WASHC2A: variants seen among roughly 807,000 people sequenced by gnomAD.
WASHC2A encodes WASH complex subunit 2A, also known as WASH complex subunit FAM21A.
A neutral mutation model predicts 140.3 loss-of-function variants in WASHC2A; 82 were observed. The observed-to-expected ratio is 0.58, with a 90% CI of 0.49 to 0.70. The LOEUF (loss-of-function observed/expected upper bound fraction) is 0.70, where lower values mean the gene tolerates loss of function less well. WASHC2A is among the 30% of genes least tolerant of loss of function. WASHC2A has a pLI of 0.00. For missense variants in WASHC2A, 985 were observed against 1,521.8 expected, an observed-to-expected ratio of 0.65 and a Z score of 5.87; for synonymous variants, 340 against 560.8, an observed-to-expected ratio of 0.61 and a Z score of 5.56.
chr10:50,091,750 C>A (rs1839951184), intron 10 of WASHC2A, among the ~76,000 whole-genome samples: 1 of 152,146 alleles, frequency 6.6e-6, no homozygotes, highest in Non-Finnish European at 1.5e-5. Context: ...ATGTAGATAA[C>A]CCTTTACATA....
chr10:50,111,581 C>T (rs1301650720), intron 20 of WASHC2A, among the ~76,000 whole-genome samples: 1 of 152,226 alleles, frequency 6.6e-6, no homozygotes, highest in African/African-American at 2.4e-5. Flanking sequence ...AGCACAAGAG[C>T]TGGCACATTC....
intron 23 of WASHC2A, among the ~76,000 whole-genome samples, chr10:50,121,094 G>A (rs1490970165): frequency 8.0e-5 from 12 of 149,074 alleles, no homozygotes; most frequent in African/African-American, 5.2e-5. Context: ...ACACAACAAT[G>A]TCCACTCTTG....
chr10:50,075,163 C>T (rs563517630), intron 3 of WASHC2A, among the ~76,000 whole-genome samples: 7 of 151,400 alleles, frequency 4.6e-5, no homozygotes, highest in South Asian at 2.1e-4. Flanking sequence ...GTTCTTAAAC[C>T]GTATCATAAT....
At chr10:50,109,855 T>C (rs1185726066) in intron 19 of WASHC2A, among the ~76,000 whole-genome samples, 1 of 152,100 alleles carries the variant, frequency 6.6e-6, no homozygotes, top group Non-Finnish European at 1.5e-5. Flanking sequence ...CTGCAAGCTC[T>C]GCCTCCTGGG....
rs1839697430 is a variant in WASHC2A at position 50,089,646 on chromosome 10, G to C, written c.733-1130G>C. 2.6e-5 allele frequency among the ~76,000 whole-genome samples: 4 copies of C among 152,268 alleles called. No homozygotes were observed. The South Asian group carries it at 8.3e-4, about 32-fold the overall frequency. On this transcript the variant is annotated intron_variant, in intron 8 of 30. Transcript: ENST00000282633. ...GAAATGCTGTAGTGTTTGCAGAGGG[G>C]GCGGGGCGTGGTATCATCCTGGATT...
chr10:50,101,127 C>T (rs1484722125), intron 17 of WASHC2A, among the ~76,000 whole-genome samples: 1 of 152,308 alleles, frequency 6.6e-6, no homozygotes. Flanking sequence ...TAAAGAATAC[C>T]TTTGAGGCTA....
intron 14 of WASHC2A, 136 bp from the exon 15 acceptor site, chr10:50,095,463 G>C: frequency 2.9e-6 from 4 of 1,378,270 alleles, no homozygotes; most frequent in Non-Finnish European, 4.0e-6. Context: ...GTAATGGATG[G>C]AGGCTATTGG....
intron 11 of WASHC2A, among the ~76,000 whole-genome samples, chr10:50,092,766 T>C (rs1431479831): frequency 6.6e-6 from 1 of 151,996 alleles, no homozygotes; most frequent in Non-Finnish European, 1.5e-5. Context: ...ACAGCAATCA[T>C]TTCTTGTCTT....
intron 4 of WASHC2A, among the ~76,000 whole-genome samples, chr10:50,080,319 T>C (rs1838783207): frequency 6.6e-6 from 1 of 151,870 alleles, no homozygotes; most frequent in Admixed American, 6.6e-5. Context: ...CTCTTTAAAC[T>C]GTAATTGAAA....
At chr10:50,092,671 G>T (rs1186504035) in intron 11 of WASHC2A, among the ~76,000 whole-genome samples, 1 of 151,058 alleles carries the variant, frequency 6.6e-6, no homozygotes, top group African/African-American at 2.4e-5. Flanking sequence ...ACAAACAGAA[G>T]CCTTGGAAGG....
At position 50,095,783 on chromosome 10, in the gene WASHC2A, G is replaced by T; in HGVS notation, c.1420+5G>T. The T allele has an allele frequency of 5.0e-6, 8 of 1,603,574 alleles. No homozygotes were observed. The Admixed American group carries it at 6.9e-5, about 14-fold the overall frequency. On this transcript the variant is annotated splice_donor_5th_base_variant and intron_variant, in intron 15 of 30. Coordinates refer to ENST00000282633, the MANE Select transcript of WASHC2A (RefSeq NM_001005751.3). Reference sequence around the variant, plus strand: ...ACAGCAAACCTTCTAAAACAGGTATGTGTTCCTGCCTCCGTTTCTAGGACT... The same window carrying T: ...ACAGCAAACCTTCTAAAACAGGTATTTGTTCCTGCCTCCGTTTCTAGGACT...
intron 4 of WASHC2A, among the ~76,000 whole-genome samples, chr10:50,079,525 T>C (rs1359695199): frequency 0.038 from 5,789 of 152,222 alleles, 363 homozygotes; most frequent in African/African-American, 0.13. Flanking sequence ...GCTTCCCGAG[T>C]AGCTGGGACT....
At position 50,078,709 on chromosome 10, in the gene WASHC2A, T is replaced by C; in HGVS notation, c.326T>C (p.Leu109Pro). Residue 109 changes from leucine (L) to proline (P), a missense_variant, in exon 4 of 31, where the codon CTC (leucine) becomes CCC (proline). Transcript: ENST00000282633. ...GATGAAGAAGTGGAGGAGCCAGTAC[T>C]CAAGGCTGAGGCAGAAAAAACAGAG... The part of the protein sequence containing the change: ...VYDEEVEEPV[L>P]KAEAEKTEQE... 6.2e-7 allele frequency: 1 copy of C among 1,611,930 alleles called. No homozygotes were observed. Among genetic ancestry groups the C allele is most frequent in the Non-Finnish European group, 8.5e-7 (1 of 1,179,852 alleles).
chr10:50,083,296 G>T (rs1839068965), intron 5 of WASHC2A, among the ~76,000 whole-genome samples: 1 of 116,618 alleles, frequency 8.6e-6, no homozygotes. Flanking sequence ...CACTGTGCCC[G>T]GCCTAATCTA....
intron 2 of WASHC2A, 80 bp downstream of exon 2, chr10:50,068,307 C>T: frequency 2.2e-6 from 3 of 1,379,794 alleles, no homozygotes; most frequent in Non-Finnish European, 2.9e-6. Flanking sequence ...CCGCGACTGC[C>T]CCTGCACCTG....
intron 17 of WASHC2A, among the ~76,000 whole-genome samples, 179 bp downstream of exon 17, chr10:50,100,243 T>G (rs1336742622): frequency 1.6e-4 from 25 of 152,128 alleles, no homozygotes; most frequent in South Asian, 6.2e-4. Flanking sequence ...AGCACTTTGG[T>G]AGGCCAAGGC....
chr10:50,131,795 T>G (rs1340815635), intron 30 of WASHC2A, among the ~76,000 whole-genome samples: 2 of 152,232 alleles, frequency 1.3e-5, no homozygotes, highest in African/African-American at 4.8e-5. Flanking sequence ...CCGTGTGCTC[T>G]GTCTCCCCTG....
Position 50,106,560 on chromosome 10 carries a change from G to C in WASHC2A, c.1869+95G>C, listed in dbSNP as rs1186937503. ...TCTTTTTCTACCTGTTTTATATCTC[G>C]TGATGTTCAGTCACCAAAGGCGATG... On this transcript the variant is annotated intron_variant, in intron 19 of 30. Coordinates refer to ENST00000282633, the MANE Select transcript of WASHC2A (RefSeq NM_001005751.3). 5.9e-6 allele frequency: 9 copies of C among 1,529,496 alleles called. No individual in the cohort carries two copies. The South Asian group carries it at 7.3e-5, about 12-fold the overall frequency. The allele number at this position is 1,529,496 out of a possible 1,614,324, so 94.7% of individuals were successfully genotyped here.
chr10:50,111,911 C>T (rs1379997068), intron 20 of WASHC2A, among the ~76,000 whole-genome samples: 1 of 152,062 alleles, frequency 6.6e-6, no homozygotes, highest in African/African-American at 2.4e-5. Context: ...ACCTGTAATC[C>T]CAGCTACTCG....
Sources: gnomAD v4.1 joint callset for allele counts (sites outside exome capture counted in the v4.1 genomes callset) on GRCh38, gnomAD v4.1.1 for gene constraint, MANE v1.5 for transcripts, NCBI Gene and HGNC (gene_info 2026-07-23, HGNC 2026-07-21) for gene names.